The following BICC1 variants were observed in gnomAD, a reference collection of about 807,000 sequenced individuals.
BICC1 encodes BicC family RNA binding protein 1, also known as protein bicaudal C homolog 1.
BICC1 carries 43 observed loss-of-function variants against 111.0 expected under a neutral mutation model. The observed-to-expected ratio is 0.39, with a 90% confidence interval of 0.30 to 0.50. BICC1 has a LOEUF of 0.50. Ranked by LOEUF, BICC1 falls within the 20% of genes least tolerant of loss-of-function variation. The pLI is 0.88. For missense variants in BICC1, 1,091 were observed against 1,203.2 expected, an observed-to-expected ratio of 0.91 and a Z score of 1.38; for synonymous variants, 467 against 434.4, an observed-to-expected ratio of 1.07 and a Z score of -0.93.
At chr10:58,718,745 T>TGC (rs1205227823) in intron 3 of BICC1, among the ~76,000 whole-genome samples, 5 of 149,026 alleles carry the variant, frequency 3.4e-5, no homozygotes, top group Non-Finnish European at 7.4e-5. Context: ...CATGGAAATG[T>TGC]GTGTGTGTGT....
At chr10:58,582,230 G>C (rs954756094) in intron 1 of BICC1, among the ~76,000 whole-genome samples, 1 of 152,136 alleles carries the variant, frequency 6.6e-6, no homozygotes, top group Non-Finnish European at 1.5e-5. Flanking sequence ...TTACAGAATT[G>C]CTCTCTGTAA....
At chr10:58,688,375 A>G (rs965002111) in intron 2 of BICC1, among the ~76,000 whole-genome samples, 9 of 152,036 alleles carry the variant, frequency 5.9e-5, no homozygotes, top group African/African-American at 9.7e-5. Context: ...GCGTTTTTAC[A>G]GAGTGCTGAT....
chr10:58,657,188 A>G (rs1838684250), intron 2 of BICC1, among the ~76,000 whole-genome samples: 1 of 152,106 alleles, frequency 6.6e-6, no homozygotes, highest in Admixed American at 6.6e-5. Flanking sequence ...TGAAAGGCCA[A>G]CTCAAATGCC....
chr10:58,562,589 G>T (rs1366008267), intron 1 of BICC1, among the ~76,000 whole-genome samples: 1 of 151,880 alleles, frequency 6.6e-6, no homozygotes, highest in Non-Finnish European at 1.5e-5. Context: ...TCATCATTTT[G>T]AATTCCTTTT....
chr10:58,675,490 C>T (rs762245933), intron 2 of BICC1, among the ~76,000 whole-genome samples: 7 of 152,044 alleles, frequency 4.6e-5, no homozygotes, highest in Non-Finnish European at 1.0e-4. Context: ...ACCTCTAGGA[C>T]ATTATGCTAA....
chr10:58,806,721 A>G, intron 16 of BICC1, 98 bp downstream of exon 16: 1 of 1,110,210 alleles, frequency 9.0e-7, no homozygotes, highest in Non-Finnish European at 1.3e-6. Flanking sequence ...GAAAACTCAG[A>G]AAAAGAAACC....
chr10:58,569,198 A>C (rs1843865117), intron 1 of BICC1, among the ~76,000 whole-genome samples: 1 of 152,188 alleles, frequency 6.6e-6, no homozygotes. Flanking sequence ...TACATGTAGA[A>C]TGCAGTCTTT....
At chr10:58,641,626 C>A (rs1344017414) in intron 2 of BICC1, among the ~76,000 whole-genome samples, 1 of 152,086 alleles carries the variant, frequency 6.6e-6, no homozygotes, top group African/African-American at 2.4e-5. Flanking sequence ...ATTTTAAGTT[C>A]TAATAATACA....
intron 2 of BICC1, among the ~76,000 whole-genome samples, 161 bp from the exon 3 acceptor site, chr10:58,701,913 C>A (rs995740976): frequency 6.6e-6 from 1 of 151,772 alleles, no homozygotes; most frequent in African/African-American, 2.4e-5. Context: ...CATCTCTTTT[C>A]CCCCCAGGGT....
At chr10:58,542,543 T>G (rs1843021050) in intron 1 of BICC1, among the ~76,000 whole-genome samples, 1 of 152,058 alleles carries the variant, frequency 6.6e-6, no homozygotes, top group Non-Finnish European at 1.5e-5. Context: ...AAAACTTTTG[T>G]GCAGCAAAGG....
At chr10:58,646,332 C>G (rs1039702906) in intron 2 of BICC1, among the ~76,000 whole-genome samples, 1 of 152,096 alleles carries the variant, frequency 6.6e-6, no homozygotes, top group African/African-American at 2.4e-5. Context: ...GCATGCACAG[C>G]TGGGATAAGA....
chr10:58,512,683 T>A (rs556181388), upstream of BICC1, among the ~76,000 whole-genome samples: 1 of 152,142 alleles, frequency 6.6e-6, no homozygotes, highest in East Asian at 1.9e-4. Context: ...TTTATACGTG[T>A]AAGTGCAGAA....
At position 58,830,623 on chromosome 10, in the gene BICC1, A is replaced by T. The variant is rs1326976715; in HGVS notation, c.*1732A>T. On this transcript the variant is annotated 3_prime_UTR_variant, in exon 21 of 21. Coordinates refer to ENST00000373886, the MANE Select transcript of BICC1 (RefSeq NM_001080512.3). ...ACACAGAAACATTCTCACTTTAAAAAATGGTATTGGTTACCTTGAAGGCAT... is the reference window on the plus strand; with the variant it reads ...ACACAGAAACATTCTCACTTTAAAATATGGTATTGGTTACCTTGAAGGCAT... 1 of 152,202 alleles carries T rather than the reference A, an allele frequency of 6.6e-6. No individual in the cohort carries two copies. The allele number at this position is 152,202 out of a possible 1,614,324, so 9.4% of individuals were successfully genotyped here. A position where few individuals can be genotyped will look rare whatever the true frequency, so the allele number is the denominator to read the frequency against.
At chr10:58,679,116 A>G (rs957385079) in intron 2 of BICC1, among the ~76,000 whole-genome samples, 2 of 152,212 alleles carry the variant, frequency 1.3e-5, no homozygotes, top group African/African-American at 2.4e-5. Context: ...TAACATCACA[A>G]TTAAAAGAAC....
rs1844438149 is a variant in BICC1 at position 58,827,656 on chromosome 10, G to A, written c.2795-1105G>A. Among the ~76,000 whole-genome samples the A allele has an allele frequency of 5.9e-5, 9 of 152,126 alleles. No individual in the cohort carries two copies. In the South Asian group the frequency reaches 1.0e-3, roughly 18 times the overall value. On this transcript the variant is annotated intron_variant, in intron 20 of 20. Coordinates refer to ENST00000373886, the MANE Select transcript of BICC1 (RefSeq NM_001080512.3). ...TTAGACAGTCTGGCAGAAGAGTTCCGATTATTCAAGACTACTTCTGATTTT... is the reference window on the plus strand; with the variant it reads ...TTAGACAGTCTGGCAGAAGAGTTCCAATTATTCAAGACTACTTCTGATTTT...
chr10:58,775,266 T>G (rs1842718759), intron 3 of BICC1, among the ~76,000 whole-genome samples: 1 of 151,640 alleles, frequency 6.6e-6, no homozygotes, highest in South Asian at 2.1e-4. Context: ...CCCAGCAACA[T>G]GGGAGGCTGA....
intron 2 of BICC1, among the ~76,000 whole-genome samples, chr10:58,635,699 C>T (rs1837932536): frequency 6.6e-6 from 1 of 152,160 alleles, no homozygotes; most frequent in Non-Finnish European, 1.5e-5. Flanking sequence ...TGATCCCTTC[C>T]TACTGATATA....
chr10:58,597,194 C>A (rs566505604), intron 1 of BICC1, among the ~76,000 whole-genome samples: 4 of 152,238 alleles, frequency 2.6e-5, no homozygotes, highest in African/African-American at 9.6e-5. Flanking sequence ...CATCACATAT[C>A]AGTAGGACAT....
chr10:58,738,094 T>C lies in BICC1; in HGVS notation c.307+35951T>C, dbSNP rs1328759623. Reference sequence around the variant, plus strand: ...CTGTGCAGAAGCTCTTTAGTTTAATTAGATCCCATTTGTCAATTTTGGCTT... The same window carrying C: ...CTGTGCAGAAGCTCTTTAGTTTAATCAGATCCCATTTGTCAATTTTGGCTT... On this transcript the variant is annotated intron_variant, in intron 3 of 20. Transcript: ENST00000373886. 3.3e-5 allele frequency among the ~76,000 whole-genome samples: 5 copies of C among 152,198 alleles called. No individual in the cohort carries two copies. The East Asian group carries it at 9.6e-4, about 29-fold the overall frequency.
Sources: allele counts gnomAD v4.1 joint callset (sites outside exome capture counted in the v4.1 genomes callset), GRCh38; gene constraint gnomAD v4.1.1; transcripts MANE v1.5; gene names NCBI Gene and HGNC (gene_info 2026-07-23, HGNC 2026-07-21).